The following DPP10 variants were observed in gnomAD, a reference collection of about 807,000 sequenced individuals.
The protein encoded by DPP10 is dipeptidyl peptidase like 10.
In DPP10, 33 loss-of-function variants were observed where a neutral mutation model predicts 120.9. The ratio of observed to expected loss-of-function variants is 0.27; its 90% CI spans 0.21 to 0.37. The LOEUF is 0.37. Among genes scored for constraint, DPP10 ranks in the 10% least tolerant of loss-of-function variants. The probability of loss-of-function intolerance (pLI) is 1.00; values close to 1 mark genes in which losing one functional copy is unlikely to be tolerated. For synonymous variants in DPP10, 337 were observed against 326.1 expected, an observed-to-expected ratio of 1.03 and a Z score of -0.36; for missense variants, 816 against 942.8, an observed-to-expected ratio of 0.87 and a Z score of 1.76.
Position 114,585,352 on chromosome 2 carries a change from T to C in DPP10, c.60+142514T>C, listed in dbSNP as rs375353753. On this transcript the variant is annotated intron_variant, in intron 1 of 25. Transcript: ENST00000410059. ...TTCCCTCTCGTTGACTCTCTCATTC[T>C]TCTACTCGCTTTGATTGACTTATCT... Among the ~76,000 whole-genome samples the C allele has an allele frequency of 1.1e-4, 17 of 152,342 alleles. No homozygotes were observed. In the East Asian group the frequency reaches 2.3e-3, roughly 21 times the overall value.
chr2:115,080,888 T>C (rs1708217577), intron 1 of DPP10, among the ~76,000 whole-genome samples: 1 of 152,188 alleles, frequency 6.6e-6, no homozygotes, highest in Non-Finnish European at 1.5e-5. Flanking sequence ...TCCTGAAATG[T>C]TCTCTAGATT....
At chr2:114,993,580 G>GTATATATA (rs59593945) in intron 1 of DPP10, among the ~76,000 whole-genome samples, 7,654 of 97,022 alleles carry the variant, frequency 0.079, 432 homozygotes, top group South Asian at 0.096. Context: ...GTGTGTGTGT[G>GTATATATA]TATATATATA....
intron 1 of DPP10, among the ~76,000 whole-genome samples, chr2:114,557,109 AATC>A (rs1688386123): frequency 6.6e-6 from 1 of 151,874 alleles, no homozygotes; most frequent in Admixed American, 6.6e-5. Flanking sequence ...AACAATATGT[AATC>A]ATAAAGAGGT....
chr2:114,881,583 T>C (rs1266055866), intron 1 of DPP10, among the ~76,000 whole-genome samples: 1 of 105,454 alleles, frequency 9.5e-6, no homozygotes, highest in East Asian at 3.0e-4. Context: ...TATCTATCTG[T>C]CTGTCTGTCT....
At chr2:114,966,482 C>A (rs1309572036) in intron 1 of DPP10, among the ~76,000 whole-genome samples, 1 of 152,184 alleles carries the variant, frequency 6.6e-6, no homozygotes, top group African/African-American at 2.4e-5. Context: ...CACACACCTG[C>A]TCCCCTTCCT....
intron 13 of DPP10, among the ~76,000 whole-genome samples, chr2:115,769,497 T>C (rs929510196): frequency 3.9e-5 from 6 of 152,058 alleles, no homozygotes; most frequent in African/African-American, 1.4e-4. Context: ...TGTTTTAACT[T>C]TAATTTTAAT....
intron 12 of DPP10, among the ~76,000 whole-genome samples, chr2:115,766,723 C>A (rs889925990): frequency 5.9e-5 from 9 of 151,968 alleles, no homozygotes; most frequent in South Asian, 2.1e-4. Context: ...TCTAGGGAGG[C>A]CTCAGAAAGC....
intron 1 of DPP10, among the ~76,000 whole-genome samples, chr2:115,015,852 A>G (rs1422792665): frequency 6.6e-6 from 1 of 152,196 alleles, no homozygotes; most frequent in Non-Finnish European, 1.5e-5. Flanking sequence ...ATAAGAGAGG[A>G]CAAAAACAAA....
At chr2:114,788,850 T>C (rs776585453) in intron 1 of DPP10, among the ~76,000 whole-genome samples, 1 of 152,144 alleles carries the variant, frequency 6.6e-6, no homozygotes, top group Non-Finnish European at 1.5e-5. Context: ...CCCTTCAATC[T>C]TTTTTAACGG....
At chr2:115,534,080 A>G (rs1164657518) in intron 5 of DPP10, among the ~76,000 whole-genome samples, 1 of 151,076 alleles carries the variant, frequency 6.6e-6, no homozygotes, top group Non-Finnish European at 1.5e-5. Context: ...CTAATTAAAC[A>G]ACACACTTTT....
At chr2:115,053,636 T>C (rs2105355442) in intron 1 of DPP10, among the ~76,000 whole-genome samples, 1 of 152,322 alleles carries the variant, frequency 6.6e-6, no homozygotes, top group African/African-American at 2.4e-5. Context: ...TTTTTAAACA[T>C]TTACAAAAAA....
chr2:115,576,378 AG>A (rs2081656193), intron 5 of DPP10, among the ~76,000 whole-genome samples: 1 of 152,226 alleles, frequency 6.6e-6, no homozygotes, highest in African/African-American at 2.4e-5. Flanking sequence ...CTAAGTTTTC[AG>A]CAAAGTCTTA....
chr2:114,597,218 A>G (rs1691986690), intron 1 of DPP10, among the ~76,000 whole-genome samples: 1 of 152,060 alleles, frequency 6.6e-6, no homozygotes, highest in Non-Finnish European at 1.5e-5. Context: ...TAATGCAGAC[A>G]AAAAACCAAG....
At chr2:115,079,203 AC>A (rs1225735907) in intron 1 of DPP10, among the ~76,000 whole-genome samples, 1 of 151,770 alleles carries the variant, frequency 6.6e-6, no homozygotes, top group Non-Finnish European at 1.5e-5. Context: ...ACGCGGTGAA[AC>A]CCCGTCTCTA....
intron 5 of DPP10, among the ~76,000 whole-genome samples, chr2:115,556,416 T>G (rs1007490104): frequency 6.6e-6 from 1 of 150,836 alleles, no homozygotes; most frequent in East Asian, 2.0e-4. Flanking sequence ...GTGTATTTTA[T>G]GTGTGGCCCA....
intron 1 of DPP10, among the ~76,000 whole-genome samples, chr2:115,251,023 C>A (rs570217063): frequency 6.6e-6 from 1 of 152,082 alleles, no homozygotes; most frequent in Non-Finnish European, 1.5e-5. Flanking sequence ...CTTTCGTCCC[C>A]GGTGGCTTTG....
Position 115,499,560 on chromosome 2 carries a change from A to T in DPP10, c.322A>T (p.Ile108Leu). 6.2e-7 allele frequency: 1 copy of T among 1,611,942 alleles called. No individual in the cohort carries two copies. Among genetic ancestry groups the T allele is most frequent in the East Asian group, 2.2e-5 (1 of 44,762 alleles). Reference protein sequence around the residue: ...SENGHVIKLNIETNATTLLLE... With the variant: ...SENGHVIKLNLETNATTLLLE... ...GAATGGACATGTCATTAAACTGAAT[A>T]TAGAAACAAATGCTACCACATTATT... Residue 108 changes from isoleucine (I) to leucine (L), a missense_variant, in exon 4 of 26, where the codon ATA becomes TTA. Ile to Leu is a conservative substitution (Grantham distance 5). Coordinates refer to ENST00000410059, the MANE Select transcript of DPP10 (RefSeq NM_020868.6).
chr2:115,733,210 T>G (rs1346495265), intron 8 of DPP10, among the ~76,000 whole-genome samples: 1 of 152,206 alleles, frequency 6.6e-6, no homozygotes, highest in Non-Finnish European at 1.5e-5. Flanking sequence ...GCAAAATGCC[T>G]ATTTTCACCT....
rs113684868 is a variant in DPP10, at chr2:114,637,643, T to C, written c.60+194805T>C. Among the ~76,000 whole-genome samples, 117 of 152,034 alleles carry C rather than the reference T, an allele frequency of 7.7e-4. 2 individuals are homozygous for C. Among genetic ancestry groups the C allele is most frequent in the African/African-American group, 2.8e-3 (114 of 41,316 alleles). ...GTCTCACATTTAAATCTTTAATCCA[T>C]CTTGAGTTAATTTTTATATGTGCTG... is the stretch of plus-strand genomic sequence containing the variant. On this transcript the variant is annotated intron_variant, in intron 1 of 25. Transcript: ENST00000410059.
Sources: allele counts gnomAD v4.1 joint callset (sites outside exome capture counted in the v4.1 genomes callset), GRCh38; gene constraint gnomAD v4.1.1; transcripts MANE v1.5; gene names NCBI Gene and HGNC (gene_info 2026-07-23, HGNC 2026-07-21).